Variants in BLMH observed in about 807,000 individuals in gnomAD.
BLMH encodes the protein BLM hydrolase.
A neutral mutation model predicts 61.6 loss-of-function variants in BLMH; 32 were observed. The ratio of observed to expected loss-of-function variants is 0.52; its 90% CI spans 0.39 to 0.70. The LOEUF is 0.70. Among genes scored for constraint, BLMH ranks in the 30% least tolerant of loss-of-function variants. The pLI is 0.00. For synonymous variants in BLMH, 183 were observed against 193.8 expected, an observed-to-expected ratio of 0.94 and a Z score of 0.46; for missense variants, 460 against 555.5, an observed-to-expected ratio of 0.83 and a Z score of 1.73.
chr17:30,280,129 G>A (rs1277763393), intron 6 of BLMH, among the ~76,000 whole-genome samples: 1 of 152,228 alleles, frequency 6.6e-6, no homozygotes, highest in Non-Finnish European at 1.5e-5. Context: ...GGTTAGAACA[G>A]TAAGGTAGTT....
chr17:30,261,129 C>G (rs1380280512), intron 11 of BLMH, among the ~76,000 whole-genome samples: 1 of 152,180 alleles, frequency 6.6e-6, no homozygotes, highest in African/African-American at 2.4e-5. Flanking sequence ...AGATCCAGAA[C>G]TGAACCTCAA....
At chr17:30,266,427 A>C (rs1018462275) in intron 11 of BLMH, among the ~76,000 whole-genome samples, 17 of 149,790 alleles carry the variant, frequency 1.1e-4, no homozygotes, top group African/African-American at 4.2e-4. Context: ...CCAGAGGCTG[A>C]GGCAGGAGAA....
intron 11 of BLMH, among the ~76,000 whole-genome samples, chr17:30,251,757 A>G (rs1383699317): frequency 1.3e-5 from 2 of 152,222 alleles, no homozygotes; most frequent in South Asian, 2.1e-4. Context: ...TCCCCTAGTG[A>G]GCAGTTCTCA....
intron 11 of BLMH, among the ~76,000 whole-genome samples, chr17:30,265,773 A>C (rs934195566): frequency 2.0e-5 from 3 of 152,184 alleles, no homozygotes; most frequent in Non-Finnish European, 4.4e-5. Context: ...GCACACATGA[A>C]TCTACATGCT....
intron 11 of BLMH, among the ~76,000 whole-genome samples, chr17:30,264,348 T>C (rs1047110116): frequency 6.6e-6 from 1 of 152,200 alleles, no homozygotes; most frequent in African/African-American, 2.4e-5. Flanking sequence ...ACAGGAGAGT[T>C]ACAGGGATAG....
intron 11 of BLMH, 92 bp from the exon 12 acceptor site, chr17:30,249,260 T>A (rs951124604): frequency 1.6e-6 from 2 of 1,286,580 alleles, no homozygotes; most frequent in Non-Finnish European, 2.1e-6. Flanking sequence ...ACAAAACTAA[T>A]ATTCATACAT....
At position 30,270,501 on chromosome 17, in the gene BLMH, C is replaced by CAA. The variant is rs5819891; in HGVS notation, c.1146+768_1146+769dup. Among the ~76,000 whole-genome samples, 192 of 72,060 alleles carry CAA rather than the reference C, an allele frequency of 2.7e-3. 2 individuals are homozygous for CAA. The highest frequency in any genetic ancestry group is 6.9e-3 in the African/African-American group (164 of 23,660). 47.3% of individuals were successfully genotyped at this position (72,060 alleles called of 152,430 possible). On this transcript the variant is annotated intron_variant, in intron 10 of 11. Transcript: ENST00000261714. ...TGGATGACAGAGTGAGACTCCATCTCAAAAAAAAAAAAAAAAAATGATTTT... is the reference window on the plus strand; with the variant it reads ...TGGATGACAGAGTGAGACTCCATCTCAAAAAAAAAAAAAAAAAAAATGATTTT...
chr17:30,282,219 GTTTTTTTT>G (rs74886535), intron 6 of BLMH, among the ~76,000 whole-genome samples: 3 of 122,218 alleles, frequency 2.5e-5, no homozygotes, highest in Admixed American at 8.2e-5. Flanking sequence ...AACAGACAAG[GTTTTTTTT>G]TTTTTTTTTT....
intron 6 of BLMH, among the ~76,000 whole-genome samples, chr17:30,280,173 A>G (rs945660484): frequency 3.3e-5 from 5 of 152,196 alleles, no homozygotes; most frequent in Non-Finnish European, 7.3e-5. Flanking sequence ...GAAAGAGAGC[A>G]AAACTTCATA....
chr17:30,291,564 G>A (rs752818130), intron 1 of BLMH, 56 bp from the exon 2 acceptor site: 9 of 1,589,698 alleles, frequency 5.7e-6, no homozygotes, highest in East Asian at 4.5e-5. Flanking sequence ...GGGCTGATCT[G>A]GGGCTCCCGC....
At chr17:30,264,641 C>T (rs572551940) in intron 11 of BLMH, among the ~76,000 whole-genome samples, 12 of 152,282 alleles carry the variant, frequency 7.9e-5, no homozygotes, top group African/African-American at 2.4e-4. Context: ...GGAAAAATAT[C>T]GCAGCAAGCT....
chr17:30,287,047 T>G (rs915232267), intron 4 of BLMH, 145 bp from the exon 5 acceptor site: 36 of 609,902 alleles, frequency 5.9e-5, no homozygotes, highest in Non-Finnish European at 2.8e-6. Flanking sequence ...GGGTTTTTTG[T>G]TTTTTGTTTT....
At chr17:30,266,800 T>C in intron 11 of BLMH, 85 bp downstream of exon 11, 1 of 1,248,106 alleles carries the variant, frequency 8.0e-7, no homozygotes, top group East Asian at 2.3e-5. Context: ...TGAGAAATCC[T>C]CCACACTAGA....
In BLMH at chr17:30,285,434, G is replaced by C; in HGVS notation, c.599C>G (p.Ala200Gly). The C allele has an allele frequency of 3.7e-6, 6 of 1,612,486 alleles. No individual in the cohort carries two copies. The highest frequency in any genetic ancestry group is 5.1e-6 in the Non-Finnish European group (6 of 1,179,230). The change falls in exon 6 of 12, where the codon GCA becomes GGA. Residue 200 changes from alanine to glycine, a missense_variant. Transcript: ENST00000261714. ...TGTGGCCGAGATTTCTCCTTTGGTT[G>C]CTCCACTGTGTACCAGGTTCCGCAG... Reference protein sequence around the residue: ...IRLRNLVHSGATKGEISATQD... With the variant: ...IRLRNLVHSGGTKGEISATQD...
intron 10 of BLMH, among the ~76,000 whole-genome samples, chr17:30,270,405 G>A (rs1029496725): frequency 6.6e-6 from 1 of 151,232 alleles, no homozygotes; most frequent in Non-Finnish European, 1.5e-5. Flanking sequence ...GCAAGGCTGA[G>A]GCAGGAGAAT....
At chr17:30,280,942 GAGA>G (rs1908569071) in intron 6 of BLMH, among the ~76,000 whole-genome samples, 2 of 152,174 alleles carry the variant, frequency 1.3e-5, no homozygotes. Context: ...AGTTATAGGA[GAGA>G]AGGAGTAAGG....
chr17:30,251,738 G>T (rs1033299154), intron 11 of BLMH, among the ~76,000 whole-genome samples: 1 of 152,208 alleles, frequency 6.6e-6, no homozygotes, highest in African/African-American at 2.4e-5. Flanking sequence ...GGTGTTTCTA[G>T]CAAGAGGGTC....
At chr17:30,274,840 G>A (rs568056486) in intron 6 of BLMH, among the ~76,000 whole-genome samples, 1 of 151,948 alleles carries the variant, frequency 6.6e-6, no homozygotes, top group Admixed American at 6.6e-5. Context: ...TTAGCTGGAC[G>A]TGGTGGCTCA....
At chr17:30,256,791 A>G (rs1907831125) in intron 11 of BLMH, among the ~76,000 whole-genome samples, 1 of 152,220 alleles carries the variant, frequency 6.6e-6, no homozygotes, top group South Asian at 2.1e-4. Flanking sequence ...CTCTCAATGA[A>G]AAACTCCATT....
Sources: allele counts gnomAD v4.1 joint callset (sites outside exome capture counted in the v4.1 genomes callset), GRCh38; gene constraint gnomAD v4.1.1; transcripts MANE v1.5; gene names NCBI Gene and HGNC (gene_info 2026-07-23, HGNC 2026-07-21).